COL1A1: variants seen among roughly 807,000 people sequenced by gnomAD.
COL1A1 encodes collagen type I alpha 1 chain.
COL1A1 carries 21 observed loss-of-function variants against 195.7 expected under a neutral mutation model. That is an observed-to-expected ratio of 0.11 (90% CI 0.08 to 0.15). The LOEUF (loss-of-function observed/expected upper bound fraction) is 0.15. Ranked by LOEUF, COL1A1 falls within the 10% of genes least tolerant of loss-of-function variation. COL1A1 has a pLI of 1.00. For missense variants in COL1A1, 1,365 were observed against 2,051.0 expected, an observed-to-expected ratio of 0.67 and a Z score of 6.46; for synonymous variants, 749 against 747.3, an observed-to-expected ratio of 1.00 and a Z score of -0.04.
chr17:50,190,459 G>C lies in COL1A1; in HGVS notation c.2398-79C>G, dbSNP rs761289821. The C allele has an allele frequency of 3.2e-6, 5 of 1,584,248 alleles. No individual in the cohort carries two copies. The highest frequency in any genetic ancestry group is 4.3e-6 in the Non-Finnish European group (5 of 1,152,714). On this transcript the variant is annotated intron_variant, in intron 34 of 50. Transcript: ENST00000225964. The surrounding 1 kb of genome is among the most constrained non-coding windows in gnomAD (Gnocchi z 4.7). Reference sequence around the variant, plus strand: ...GATGCGGTGAGGGGAGAGGCAAGGGGTGAAGGCACAGACAGGGCCAGGGGT... The same window carrying C: ...GATGCGGTGAGGGGAGAGGCAAGGGCTGAAGGCACAGACAGGGCCAGGGGT...
chr17:50,192,590 G>A, intron 28 of COL1A1, 50 bp downstream of exon 28: 1 of 1,614,018 alleles, frequency 6.2e-7, no homozygotes, highest in South Asian at 1.1e-5. Context: ...AGACCAAAGA[G>A]GTGTTTCCTA....
Position 50,188,793 on chromosome 17 carries a change from C to A in COL1A1, c.3048G>T (p.Gly1016=). The change falls in exon 42 of 51, where the codon GGG becomes GGT. Residue 1016 remains glycine (G), a splice_region_variant and synonymous_variant. Transcript: ENST00000225964. The surrounding 1 kb of genome is among the most constrained non-coding windows in gnomAD (Gnocchi z 5.6). ...AGPPGESGRE[G]APGAEGSPGR... Reference sequence around the variant, plus strand: ...CAGGGGAACCTTCGGCACCAGGAGCCCCCTGCAGAGAGAGAGAGAGAGAAG... The same window carrying A: ...CAGGGGAACCTTCGGCACCAGGAGCACCCTGCAGAGAGAGAGAGAGAGAAG... The A allele has an allele frequency of 6.2e-7, 1 of 1,613,808 alleles. No individual in the cohort carries two copies.
chr17:50,191,272 A>G, intron 32 of COL1A1, 111 bp downstream of exon 32: 1 of 1,054,304 alleles, frequency 9.5e-7, no homozygotes, highest in South Asian at 1.3e-5. Flanking sequence ...AGAAGGGAGG[A>G]TTAGCGAGAA....
rs41317355 is a variant in COL1A1 at position 50,196,729 on chromosome 17, A to T, written c.805-59T>A. ...GTGGAGGGGGTGGAACAGCCTTGAC[A>T]TCCACCTAGATCTGAGAAAGAGCCT... On this transcript the variant is annotated intron_variant, in intron 11 of 50. Transcript: ENST00000225964. 1,034 of 1,557,590 alleles carry T rather than the reference A, an allele frequency of 6.6e-4. 14 individuals are homozygous for T. The East Asian group carries it at 0.019, about 28-fold the overall frequency.
chr17:50,194,583 G>C lies in COL1A1; in HGVS notation c.1505C>G (p.Ala502Gly). 6.3e-7 allele frequency: 1 copy of C among 1,584,030 alleles called. No homozygotes were observed. Among genetic ancestry groups the C allele is most frequent in the Admixed American group, 1.9e-5 (1 of 54,020 alleles). The change falls in exon 22 of 51, where the codon GCT (alanine) becomes GGT (glycine). Residue 502 changes from alanine (A) to glycine (G), a missense_variant. Coordinates refer to ENST00000225964, the MANE Select transcript of COL1A1 (RefSeq NM_000088.4). This position sits in a 1 kb window ranked among gnomAD's most constrained non-coding sequence, Gnocchi z 6.8. ...GCAAGGAGAGGTTACCTTGGGACCA[G>C]CAACACCATCTGCGCCAGGGAAACC... ...SRGFPGADGV[A>G]GPKGPAGERG...
In COL1A1 at chr17:50,189,129, GT is replaced by G. The variant is rs772714318; in HGVS notation, c.2937+38del. The G allele has an allele frequency of 3.0e-5, 48 of 1,605,258 alleles. No individual in the cohort carries two copies. The highest frequency in any genetic ancestry group is 3.8e-5 in the Non-Finnish European group (45 of 1,172,546). On this transcript the variant is annotated intron_variant, in intron 40 of 50. Coordinates refer to ENST00000225964, the MANE Select transcript of COL1A1 (RefSeq NM_000088.4). The surrounding 1 kb of genome is among the most constrained non-coding windows in gnomAD (Gnocchi z 5.5). ...CCGCCCCACTCCAAGTCCTGTGATGGTTTTTCTCAGGGCCCCCCAAGGTGAG... is the reference window on the plus strand; with the variant it reads ...CCGCCCCACTCCAAGTCCTGTGATGGTTTTCTCAGGGCCCCCCAAGGTGAG...
rs41316715 is a variant in COL1A1 at position 50,187,397 on chromosome 17, G to A, written c.3423+87C>T. The A allele has an allele frequency of 1.6e-4, 223 of 1,378,566 alleles. 1 individual carries two copies. In the East Asian group the frequency reaches 3.2e-3, roughly 20 times the overall value. The allele number at this position is 1,378,566 out of a possible 1,614,324, so 85.4% of individuals were successfully genotyped here. A position where few individuals can be genotyped will look rare whatever the true frequency, so the allele number is the denominator to read the frequency against. ...TGTCCCTGAACCCTTCTCCAGAGAG[G>A]CAAAGGGTGCCTGGGTCCCTGGCAA... On this transcript the variant is annotated intron_variant, in intron 46 of 50. Transcript: ENST00000225964.
Position 50,190,278 on chromosome 17 carries a change from T to C in COL1A1, c.2451+49A>G, listed in dbSNP as rs1906961686. 7.1e-7 allele frequency: 1 copy of C among 1,405,602 alleles called. No homozygotes were observed. Among genetic ancestry groups the C allele is most frequent in the East Asian group, 2.3e-5 (1 of 43,506 alleles). The allele number at this position is 1,405,602 out of a possible 1,614,324, so 87.1% of individuals were successfully genotyped here. On this transcript the variant is annotated intron_variant, in intron 35 of 50. Transcript: ENST00000225964. This position sits in a 1 kb window ranked among gnomAD's most constrained non-coding sequence, Gnocchi z 4.7. ...TTTGTCCTCATTCCGTCCCTCGAGGTCCCAGGTCCCAGTCGGTGATGAAAA... is the reference window on the plus strand; with the variant it reads ...TTTGTCCTCATTCCGTCCCTCGAGGCCCCAGGTCCCAGTCGGTGATGAAAA...
chr17:50,186,271 G>A lies in COL1A1; in HGVS notation c.4005+46C>T, dbSNP rs774664983. 2 of 1,610,446 alleles carry A rather than the reference G, an allele frequency of 1.2e-6. No individual in the cohort carries two copies. Among genetic ancestry groups the A allele is most frequent in the Non-Finnish European group, 8.5e-7 (1 of 1,178,364 alleles). ...GACTTCATGTCCCTTCTGAGCACTG[G>A]GCTAGCCCATCTCCTAACACTGGCT... On this transcript the variant is annotated intron_variant, in intron 49 of 50. Coordinates refer to ENST00000225964, the MANE Select transcript of COL1A1 (RefSeq NM_000088.4). The surrounding 1 kb of genome is among the most constrained non-coding windows in gnomAD (Gnocchi z 5.3).
chr17:50,194,922 G>T lies in COL1A1; in HGVS notation c.1354-94C>A. ...TGAGGCTGGGCCTCCAGTGTCAGGG[G>T]TTCCTGGGGGTGTGGCAGGGACTCC... On this transcript the variant is annotated intron_variant, in intron 20 of 50. Coordinates refer to ENST00000225964, the MANE Select transcript of COL1A1 (RefSeq NM_000088.4). This position sits in a 1 kb window ranked among gnomAD's most constrained non-coding sequence, Gnocchi z 6.8. 1 of 1,476,756 alleles carries T rather than the reference G, an allele frequency of 6.8e-7. No homozygotes were observed. Among genetic ancestry groups the T allele is most frequent in the Non-Finnish European group, 9.4e-7 (1 of 1,063,514 alleles). The allele number at this position is 1,476,756 out of a possible 1,614,324, so 91.5% of individuals were successfully genotyped here.
intron 32 of COL1A1, among the ~76,000 whole-genome samples, 157 bp from the exon 33 acceptor site, chr17:50,191,081 TG>T (rs377048516): frequency 6.6e-6 from 1 of 152,068 alleles, no homozygotes; most frequent in Admixed American, 6.5e-5. Context: ...AAAGGGTGCC[TG>T]CCTGGAGACT....
At position 50,188,320 on chromosome 17, in the gene COL1A1, G is replaced by T. The variant is rs1395527145; in HGVS notation, c.3208-171C>A. On this transcript the variant is annotated intron_variant, in intron 43 of 50. Transcript: ENST00000225964. This position sits in a 1 kb window ranked among gnomAD's most constrained non-coding sequence, Gnocchi z 5.6. ...CACTGCAATCTTCACGGGAGCTGGG[G>T]CCAACTCATGGGAGAGGCGGTCCTG... 9 of 839,162 alleles carry T rather than the reference G, an allele frequency of 1.1e-5. No homozygotes were observed. Among genetic ancestry groups the T allele is most frequent in the Non-Finnish European group, 1.7e-5 (9 of 540,558 alleles). The allele number at this position is 839,162 out of a possible 1,614,324, so 52.0% of individuals were successfully genotyped here.
In COL1A1 at chr17:50,195,028, G is replaced by A; in HGVS notation, c.1353+19C>T. The A allele has an allele frequency of 3.7e-6, 6 of 1,613,070 alleles. No individual in the cohort carries two copies. Among genetic ancestry groups the A allele is most frequent in the Non-Finnish European group, 5.1e-6 (6 of 1,179,422 alleles). On this transcript the variant is annotated intron_variant, in intron 20 of 50. Transcript: ENST00000225964. The surrounding 1 kb of genome is among the most constrained non-coding windows in gnomAD (Gnocchi z 4.3). ...GGCAGGGTGGGCTGGGCTGCAAGAA[G>A]GATGGCGGGGAGACTTACAGGCTCT...
At position 50,191,964 on chromosome 17, in the gene COL1A1, A is replaced by G; in HGVS notation, c.2028+16T>C. 6 of 1,612,148 alleles carry G rather than the reference A, an allele frequency of 3.7e-6. No individual in the cohort carries two copies. The highest frequency in any genetic ancestry group is 5.1e-6 in the Non-Finnish European group (6 of 1,179,334). On this transcript the variant is annotated intron_variant, in intron 30 of 50. Coordinates refer to ENST00000225964, the MANE Select transcript of COL1A1 (RefSeq NM_000088.4). ...ACGACGCACCTTGACGGATGCAGCGAGAGAGGCCTACTTACTCTTGCTCCA... is the reference window on the plus strand; with the variant it reads ...ACGACGCACCTTGACGGATGCAGCGGGAGAGGCCTACTTACTCTTGCTCCA...
In COL1A1 at chr17:50,196,584, G is replaced by T. The variant is rs766505679; in HGVS notation, c.858+33C>A. ...TCATTCATGGTGGGACTCTGGGGAT[G>T]TGGAGGACCATGATGTTCAGACAGC... On this transcript the variant is annotated intron_variant, in intron 12 of 50. Coordinates refer to ENST00000225964, the MANE Select transcript of COL1A1 (RefSeq NM_000088.4). 69 of 1,614,032 alleles carry T rather than the reference G, an allele frequency of 4.3e-5. No individual in the cohort carries two copies. The Admixed American group carries it at 1.1e-3, about 26-fold the overall frequency.
rs370895601 is a variant in COL1A1, at chr17:50,188,123, G to A, written c.3234C>T (p.Val1078=). ...CGGGGCCACGGGCGCCAACAGGGCC[G>A]ACAGGACCGGCGGGACCAGCAGGAC... ...ETGPAGPAGP[V]GPVGARGPAG... The change falls in exon 44 of 51, where the codon GTC becomes GTT. Residue 1078 remains valine (V), a synonymous_variant. Transcript: ENST00000225964. The surrounding 1 kb of genome is among the most constrained non-coding windows in gnomAD (Gnocchi z 5.6). The A allele has an allele frequency of 1.3e-5, 21 of 1,576,274 alleles. No homozygotes were observed. Among genetic ancestry groups the A allele is most frequent in the African/African-American group, 4.1e-5 (3 of 73,998 alleles).
rs375352808 is a variant in COL1A1 at position 50,188,386 on chromosome 17, T to C, written c.3207+144A>G. On this transcript the variant is annotated intron_variant, in intron 43 of 50. Transcript: ENST00000225964. This position sits in a 1 kb window ranked among gnomAD's most constrained non-coding sequence, Gnocchi z 5.6. Reference sequence around the variant, plus strand: ...TTGGGGCTGAGCTTTAACTCAGTTTTTTGGATTAAGGCCCTGACATCTTGC... The same window carrying C: ...TTGGGGCTGAGCTTTAACTCAGTTTCTTGGATTAAGGCCCTGACATCTTGC... The C allele has an allele frequency of 4.7e-5, 44 of 945,294 alleles. 1 individual carries two copies. In the African/African-American group the frequency reaches 5.7e-4, roughly 12 times the overall value. The allele number at this position is 945,294 out of a possible 1,614,324, so 58.6% of individuals were successfully genotyped here.
chr17:50,201,597 T>A lies in COL1A1; in HGVS notation c.-84A>T. Reference sequence around the variant, plus strand: ...TGCGTGGCCTCACACTCCGCGTGCCTCCTGCTCCGACCCCGAGGAGAAACT... The same window carrying A: ...TGCGTGGCCTCACACTCCGCGTGCCACCTGCTCCGACCCCGAGGAGAAACT... On this transcript the variant is annotated 5_prime_UTR_variant, in exon 1 of 51. Transcript: ENST00000225964. The A allele has an allele frequency of 1.6e-6, 2 of 1,253,270 alleles. No individual in the cohort carries two copies. The highest frequency in any genetic ancestry group is 2.2e-6 in the Non-Finnish European group (2 of 908,470). 77.6% of individuals were successfully genotyped at this position (1,253,270 alleles called of 1,614,324 possible).
chr17:50,195,726 G>T lies in COL1A1; in HGVS notation c.1057-61C>A, dbSNP rs1190424222. The T allele has an allele frequency of 6.5e-7, 1 of 1,527,988 alleles. No individual in the cohort carries two copies. The highest frequency in any genetic ancestry group is 1.4e-5 in the African/African-American group (1 of 73,202). The allele number at this position is 1,527,988 out of a possible 1,614,324, so 94.7% of individuals were successfully genotyped here. A position where few individuals can be genotyped will look rare whatever the true frequency, so the allele number is the denominator to read the frequency against. ...TGGGAAACCCAACCTTGCCTCTCGG[G>T]ATGGCAGGAGGAAGGGGAGACAGGG... On this transcript the variant is annotated intron_variant, in intron 16 of 50. Coordinates refer to ENST00000225964, the MANE Select transcript of COL1A1 (RefSeq NM_000088.4). The surrounding 1 kb of genome is among the most constrained non-coding windows in gnomAD (Gnocchi z 4.3).
Sources: allele counts gnomAD v4.1 joint callset (sites outside exome capture counted in the v4.1 genomes callset), GRCh38; gene constraint gnomAD v4.1.1; non-coding constraint Gnocchi (gnomAD v3.1); transcripts MANE v1.5; gene names NCBI Gene and HGNC (gene_info 2026-07-23, HGNC 2026-07-21).